Variants in IL3RA observed in about 807,000 individuals in gnomAD.
IL3RA encodes the protein interleukin 3 receptor subunit alpha.
IL3RA carries 73 observed loss-of-function variants against 52.3 expected under a neutral mutation model. The observed-to-expected ratio is 1.40, with a 90% CI of 1.16 to 1.70. IL3RA has a LOEUF of 1.70. Among genes scored for constraint, IL3RA ranks in the 40% most tolerant of loss-of-function variants. The probability of loss-of-function intolerance (pLI) is 0.00; values close to 1 mark genes in which losing one functional copy is unlikely to be tolerated. For missense variants in IL3RA, 664 were observed against 504.4 expected (o/e 1.32, Z -3.03); for synonymous variants, 260 against 194.0 (o/e 1.34, Z -2.83).
At chrX:1,350,645 T>A (rs2086041673) in intron 4 of IL3RA, among the ~76,000 whole-genome samples, 1 of 146,918 alleles carries the variant, frequency 6.8e-6, no homozygotes, top group African/African-American at 2.5e-5. Context: ...CTCACACCTG[T>A]AATCCCAGCA....
At chrX:1,360,299 T>C (rs868553522) in intron 8 of IL3RA, among the ~76,000 whole-genome samples, 1 of 20,502 alleles carries the variant, frequency 4.9e-5, no homozygotes, top group Non-Finnish European at 1.0e-4. Context: ...TCTCCCCCTC[T>C]CCCTGTCTCT....
chrX:1,337,198 A>G (rs1382617694), intron 1 of IL3RA, among the ~76,000 whole-genome samples: 1 of 152,222 alleles, frequency 6.6e-6, no homozygotes. Flanking sequence ...TAAAGGTGAT[A>G]GCATTAGGAG....
intron 9 of IL3RA, among the ~76,000 whole-genome samples, chrX:1,368,469 T>C (rs6645271): frequency 0.039 from 5,928 of 150,496 alleles, 176 homozygotes; most frequent in East Asian, 0.16. Context: ...GCCTGTAACC[T>C]CAGCTACCAG....
chrX:1,377,423 T>A (rs1291237092), intron 9 of IL3RA, among the ~76,000 whole-genome samples: 6 of 151,888 alleles, frequency 4.0e-5, no homozygotes, highest in African/African-American at 1.2e-4. Flanking sequence ...GTATTTTTAT[T>A]AGAGACGGGC....
intron 8 of IL3RA, among the ~76,000 whole-genome samples, chrX:1,362,454 C>T (rs2087517529): frequency 6.7e-6 from 1 of 150,252 alleles, no homozygotes; most frequent in African/African-American, 2.5e-5. Flanking sequence ...ATCTCTGTCT[C>T]TCTCTGTTTC....
Position 1,352,192 on chromosome X carries a change from C to T in IL3RA, c.391C>T (p.Pro131Ser). Reference protein sequence around the residue: ...SCSWAVGPGAPADVQYDLYLN... With the variant: ...SCSWAVGPGASADVQYDLYLN... ...CAGCTGGGCGGTAGGCCCGGGGGCCCCCGCGGACGTCCAGTACGACCTGTA... is the reference window on the plus strand; with the variant it reads ...CAGCTGGGCGGTAGGCCCGGGGGCCTCCGCGGACGTCCAGTACGACCTGTA... Residue 131 changes from proline to serine, a missense_variant, in exon 5 of 12, where the codon CCC becomes TCC. By Grantham distance (74) the Pro-to-Ser change is moderately conservative. Coordinates refer to ENST00000331035, the MANE Select transcript of IL3RA (RefSeq NM_002183.4). The T allele has an allele frequency of 6.2e-7, 1 of 1,613,740 alleles. No homozygotes were observed. Among genetic ancestry groups the T allele is most frequent in the Non-Finnish European group, 8.5e-7 (1 of 1,179,814 alleles).
chrX:1,352,305 C>A lies in IL3RA; in HGVS notation c.432-17C>A. The A allele has an allele frequency of 6.2e-7, 1 of 1,613,644 alleles. No homozygotes were observed. Among genetic ancestry groups the A allele is most frequent in the East Asian group, 2.2e-5 (1 of 44,880 alleles). ...CATCGGCGTGGGGTCGTCCCCCAACCTTACCGCTTACCGCAGCAGGCGTCA... is the reference window on the plus strand; with the variant it reads ...CATCGGCGTGGGGTCGTCCCCCAACATTACCGCTTACCGCAGCAGGCGTCA... On this transcript the variant is annotated splice_polypyrimidine_tract_variant and intron_variant, in intron 5 of 11. Transcript: ENST00000331035.
At chrX:1,345,068 C>A (rs1367451614) in intron 2 of IL3RA, among the ~76,000 whole-genome samples, 1 of 150,574 alleles carries the variant, frequency 6.6e-6, no homozygotes, top group Admixed American at 6.6e-5. Flanking sequence ...ACTCGGGAGG[C>A]TGAGGCAGGA....
intron 11 of IL3RA, among the ~76,000 whole-genome samples, chrX:1,381,323 G>A (rs1197243088): frequency 3.9e-5 from 6 of 152,012 alleles, no homozygotes; most frequent in African/African-American, 1.2e-4. Flanking sequence ...ACTTGAACCC[G>A]GGAGGTGGAG....
chrX:1,345,116 T>G (rs143900941), intron 2 of IL3RA, among the ~76,000 whole-genome samples, 200 bp from the exon 3 acceptor site: 3 of 150,748 alleles, frequency 2.0e-5, no homozygotes, highest in South Asian at 2.1e-4. Flanking sequence ...TGCAGTGAGC[T>G]GAGATCGTGC....
intron 11 of IL3RA, among the ~76,000 whole-genome samples, chrX:1,381,645 A>T (rs1409858991): frequency 2.6e-5 from 4 of 151,522 alleles, no homozygotes; most frequent in Non-Finnish European, 4.4e-5. Context: ...CCAAGGTTCA[A>T]GCGATTGTCC....
At chrX:1,345,018 A>AAAAC (rs2085673989) in intron 2 of IL3RA, among the ~76,000 whole-genome samples, 1 of 147,916 alleles carries the variant, frequency 6.8e-6, no homozygotes, top group Non-Finnish European at 1.5e-5. Context: ...AAAAAAAAAA[A>AAAAC]ATTAGCCGGG....
chrX:1,381,009 C>T lies in IL3RA; in HGVS notation c.981-14C>T. On this transcript the variant is annotated splice_polypyrimidine_tract_variant and intron_variant, in intron 10 of 11. Coordinates refer to ENST00000331035, the MANE Select transcript of IL3RA (RefSeq NM_002183.4). Reference sequence around the variant, plus strand: ...TTTTGGGTTCAGAGCTGGGCCATTTCTCTTTCCTCCGAGGTATCTGGTGAT... The same window carrying T: ...TTTTGGGTTCAGAGCTGGGCCATTTTTCTTTCCTCCGAGGTATCTGGTGAT... The T allele has an allele frequency of 1.9e-6, 3 of 1,612,898 alleles. No individual in the cohort carries two copies. Among genetic ancestry groups the T allele is most frequent in the South Asian group, 2.2e-5 (2 of 91,056 alleles).
At chrX:1,368,567 CTG>C (rs2088363021) in intron 9 of IL3RA, among the ~76,000 whole-genome samples, 1 of 152,120 alleles carries the variant, frequency 6.6e-6, no homozygotes, top group African/African-American at 2.4e-5. Flanking sequence ...CAGAATGTGA[CTG>C]TGTTTGGAGT....
In IL3RA at chrX:1,346,054, T is replaced by C. The variant is rs1161218345; in HGVS notation, c.183+620T>C. On this transcript the variant is annotated intron_variant, in intron 3 of 11. Coordinates refer to ENST00000331035, the MANE Select transcript of IL3RA (RefSeq NM_002183.4). ...CCCACGCTGGGCGTGGTGGCTCACG[T>C]CTGTAATCCCAGCACTTTGGGAGGC... is the stretch of plus-strand genomic sequence containing the variant. Among the ~76,000 whole-genome samples, 153 of 151,726 alleles carry C rather than the reference T, an allele frequency of 1.0e-3. 2 individuals are homozygous for C. The highest frequency in any genetic ancestry group is 4.8e-3 in the South Asian group (23 of 4,786).
chrX:1,348,413 G>C lies in IL3RA; in HGVS notation c.184-18G>C, dbSNP rs375650173. 2.0e-5 allele frequency: 31 copies of C among 1,569,484 alleles called. No homozygotes were observed. Among genetic ancestry groups the C allele is most frequent in the Non-Finnish European group, 2.5e-5 (28 of 1,139,586 alleles). ...GCATGGTCTGTCAGCAGCCATCATA[G>C]TCCTATGTCTCTCTTAGGCAGTGAA... On this transcript the variant is annotated intron_variant, in intron 3 of 11. Coordinates refer to ENST00000331035, the MANE Select transcript of IL3RA (RefSeq NM_002183.4).
intron 2 of IL3RA, among the ~76,000 whole-genome samples, chrX:1,343,305 T>C (rs1390206126): frequency 6.6e-6 from 1 of 152,062 alleles, no homozygotes; most frequent in East Asian, 1.9e-4. Flanking sequence ...CGATCAGAGA[T>C]AAACCCTAGA....
At position 1,368,098 on chromosome X, in the gene IL3RA, A is replaced by C. The variant is rs1176549849; in HGVS notation, c.874+2846A>C. On this transcript the variant is annotated intron_variant, in intron 9 of 11. Transcript: ENST00000331035. The stretch of plus-strand genomic sequence containing the variant: ...CACGGTGAAACCCGGTCTCTACAAA[A>C]AATGTAACAAATTAGCCAGGCGTGG... Among the ~76,000 whole-genome samples the C allele has an allele frequency of 5.3e-5, 8 of 152,094 alleles. 1 individual carries two copies. The highest frequency in any genetic ancestry group is 1.4e-4 in the African/African-American group (6 of 41,422).
chrX:1,382,578 C>G lies in IL3RA; in HGVS notation c.*113C>G. 1 of 953,538 alleles carries G rather than the reference C, an allele frequency of 1.0e-6. No individual in the cohort carries two copies. The highest frequency in any genetic ancestry group is 1.6e-5 in the African/African-American group (1 of 62,240). The allele number at this position is 953,538 out of a possible 1,614,324, so 59.1% of individuals were successfully genotyped here. A position where few individuals can be genotyped will look rare whatever the true frequency, so the allele number is the denominator to read the frequency against. On this transcript the variant is annotated 3_prime_UTR_variant, in exon 12 of 12. Coordinates refer to ENST00000331035, the MANE Select transcript of IL3RA (RefSeq NM_002183.4). ...GCAGCCCAGGAATGGACATTCCTAA[C>G]GGGTGGTGGGCATGGGAGATGCCTG...
Sources: gnomAD v4.1 joint callset for allele counts (sites outside exome capture counted in the v4.1 genomes callset) on GRCh38, gnomAD v4.1.1 for gene constraint, MANE v1.5 for transcripts, NCBI Gene and HGNC (gene_info 2026-07-23, HGNC 2026-07-21) for gene names.